Variants in MRTFB observed in about 807,000 individuals in gnomAD.
MRTFB encodes myocardin related transcription factor B, also known as myocardin-related transcription factor B.
A neutral mutation model predicts 104.2 loss-of-function variants in MRTFB; 29 were observed. That is an observed-to-expected ratio of 0.28 (90% CI 0.21 to 0.38). The LOEUF (loss-of-function observed/expected upper bound fraction) is 0.38, where lower values mean the gene tolerates loss of function less well. Among genes scored for constraint, MRTFB ranks in the 10% least tolerant of loss-of-function variants. The pLI is 1.00. For synonymous variants in MRTFB, 535 were observed against 519.5 expected (o/e 1.03, Z -0.41); for missense variants, 1,270 against 1,341.6 (o/e 0.95, Z 0.83).
At chr16:14,234,543 C>T (rs939966096) in intron 9 of MRTFB, among the ~76,000 whole-genome samples, 1 of 152,154 alleles carries the variant, frequency 6.6e-6, no homozygotes, top group Admixed American at 6.5e-5. Context: ...TCTGTAATCC[C>T]AGTGCTTTGG....
intron 3 of MRTFB, chr16:14,150,905 C>T (rs1321370288): frequency 2.0e-5 from 3 of 152,144 alleles, no homozygotes; most frequent in East Asian, 3.8e-4. Flanking sequence ...AGTGGCACTT[C>T]GTAGGAGTCT....
intron 3 of MRTFB, among the ~76,000 whole-genome samples, chr16:14,163,818 A>G (rs2039130376): frequency 6.7e-6 from 1 of 148,156 alleles, no homozygotes; most frequent in Non-Finnish European, 1.5e-5. Context: ...GGGCAACAAG[A>G]GCGAAACTCT....
intron 3 of MRTFB, chr16:14,140,961 T>C (rs57989611): frequency 0.066 from 36,239 of 552,098 alleles, 2,728 homozygotes; most frequent in East Asian, 0.31. Context: ...TCCCAGTAAG[T>C]ATCTTTGGTA....
chr16:14,247,804 T>C (rs949516804), intron 12 of MRTFB: 1 of 334,784 alleles, frequency 3.0e-6, no homozygotes, highest in Non-Finnish European at 5.5e-6. Flanking sequence ...GTGATCATAG[T>C]CTGCCGCTGA....
chr16:14,066,981 AT>A (rs754163974), upstream of MRTFB, among the ~76,000 whole-genome samples: 8 of 150,598 alleles, frequency 5.3e-5, no homozygotes, highest in Non-Finnish European at 1.0e-4. Context: ...AGAATTACCC[AT>A]TTTGTTTGTT....
Position 14,140,567 on chromosome 16 carries a change from G to A in MRTFB, c.-40G>A, listed in dbSNP as rs1368935473. The stretch of plus-strand genomic sequence containing the variant: ...AGTGTCTTCAATAGGCCGTGTTTAA[G>A]AGGCGTCTTACACTCCCTGTTGCCA... On this transcript the variant is annotated 5_prime_UTR_variant, in exon 3 of 17. Transcript: ENST00000571589. 7 of 1,609,432 alleles carry A rather than the reference G, an allele frequency of 4.3e-6. No homozygotes were observed. In the East Asian group the frequency reaches 1.3e-4, roughly 31 times the overall value.
intron 2 of MRTFB, among the ~76,000 whole-genome samples, chr16:14,106,480 C>T (rs760657660): frequency 1.3e-5 from 2 of 152,192 alleles, no homozygotes; most frequent in East Asian, 1.9e-4. Context: ...ATGGGCTGAT[C>T]GAGTGTAGAC....
intron 15 of MRTFB, 27 bp downstream of exon 15, chr16:14,252,529 T>A (rs2043299588): frequency 1.9e-5 from 30 of 1,613,422 alleles, no homozygotes; most frequent in Non-Finnish European, 2.5e-5. Flanking sequence ...TCATGGTGCA[T>A]AAGGCTATGG....
chr16:14,241,767 TGA>T (rs1258330051), intron 10 of MRTFB, among the ~76,000 whole-genome samples: 2 of 151,994 alleles, frequency 1.3e-5, no homozygotes, highest in East Asian at 3.9e-4. Context: ...GGCATGGAGA[TGA>T]AGAGAGAAAG....
At chr16:14,260,849 TA>T in intron 16 of MRTFB, 59 bp from the exon 17 acceptor site, 1 of 1,407,068 alleles carries the variant, frequency 7.1e-7, no homozygotes, top group Admixed American at 2.2e-5. Flanking sequence ...TAGTAATTAA[TA>T]AAAATTTTTA....
intron 2 of MRTFB, among the ~76,000 whole-genome samples, chr16:14,125,411 A>G (rs939280989): frequency 3.3e-5 from 5 of 152,362 alleles, no homozygotes; most frequent in African/African-American, 1.2e-4. Context: ...GAAAATCTGA[A>G]TTCGGTTTAA....
intron 3 of MRTFB, among the ~76,000 whole-genome samples, chr16:14,180,682 A>G (rs2039738357): frequency 6.6e-6 from 1 of 152,170 alleles, no homozygotes; most frequent in Non-Finnish European, 1.5e-5. Flanking sequence ...CTTGTCCCAC[A>G]CAGCACTCTC....
At chr16:14,212,143 G>A (rs1306371030) in intron 4 of MRTFB, among the ~76,000 whole-genome samples, 6 of 152,194 alleles carry the variant, frequency 3.9e-5, no homozygotes, top group Non-Finnish European at 1.5e-5. Flanking sequence ...ATACAATCGT[G>A]TTTTAAATGT....
chr16:14,243,900 C>A (rs1384133004), intron 10 of MRTFB, among the ~76,000 whole-genome samples: 3 of 124,392 alleles, frequency 2.4e-5, no homozygotes, highest in Admixed American at 7.9e-5. Flanking sequence ...CACTCTGTCG[C>A]CCAGGCTGGA....
At chr16:14,047,626 T>C in the MRTFB span, among the ~76,000 whole-genome samples, 2 of 152,176 alleles carry the variant, frequency 1.3e-5, no homozygotes, top group African/African-American at 2.4e-5. Context: ...ATGTCTTACA[T>C]GGCAGCAGGC....
intron 3 of MRTFB, chr16:14,195,446 G>T (rs1470131576): frequency 3.6e-6 from 3 of 832,740 alleles, no homozygotes; most frequent in Non-Finnish European, 4.3e-6. Context: ...ATAGGTATAT[G>T]TACAAATGTG....
intron 3 of MRTFB, among the ~76,000 whole-genome samples, chr16:14,201,602 A>G (rs9939447): frequency 9.8e-5 from 15 of 152,296 alleles, no homozygotes; most frequent in African/African-American, 3.1e-4. Flanking sequence ...CCCAGTTAAT[A>G]TAAGTGGAAT....
intron 9 of MRTFB, among the ~76,000 whole-genome samples, chr16:14,236,903 T>C (rs1320318702): frequency 1.3e-5 from 2 of 152,164 alleles, no homozygotes; most frequent in Non-Finnish European, 2.9e-5. Flanking sequence ...CAGAAGTGGT[T>C]GGATTCTGGC....
chr16:14,044,363 A>G, the MRTFB span, among the ~76,000 whole-genome samples: 1 of 152,234 alleles, frequency 6.6e-6, no homozygotes, highest in Non-Finnish European at 1.5e-5. Context: ...TTACGGTCCC[A>G]TGTCTAGCAT....
Sources: gnomAD v4.1 joint callset for allele counts (sites outside exome capture counted in the v4.1 genomes callset) on GRCh38, gnomAD v4.1.1 for gene constraint, MANE v1.5 for transcripts, NCBI Gene and HGNC (gene_info 2026-07-23, HGNC 2026-07-21) for gene names.